Variants in ZCCHC7 observed in about 807,000 individuals in gnomAD.
The protein encoded by ZCCHC7 is zinc finger CCHC domain-containing protein 7.
Under a neutral mutation model 52.0 loss-of-function variants are expected in ZCCHC7, and 35 were observed. The observed-to-expected ratio is 0.67, with a 90% confidence interval of 0.51 to 0.89. The LOEUF (loss-of-function observed/expected upper bound fraction) is 0.89. Ranked by LOEUF, ZCCHC7 falls within the 40% of genes least tolerant of loss-of-function variation. ZCCHC7 has a pLI of 0.00. For missense variants in ZCCHC7, 574 were observed against 649.1 expected (o/e 0.88, Z 1.26); for synonymous variants, 217 against 221.5 (o/e 0.98, Z 0.18).
At chr9:37,287,297 C>T (rs1828299799) in intron 2 of ZCCHC7, among the ~76,000 whole-genome samples, 1 of 151,614 alleles carries the variant, frequency 6.6e-6, no homozygotes, top group Non-Finnish European at 1.5e-5. Context: ...TCAATTTCTT[C>T]AAAAATCAGG....
chr9:37,318,068 A>G (rs1218442501), intron 5 of ZCCHC7, among the ~76,000 whole-genome samples: 4 of 152,112 alleles, frequency 2.6e-5, no homozygotes, highest in Non-Finnish European at 5.9e-5. Context: ...TCAGTGATGT[A>G]TAGTTGCAAA....
At chr9:37,314,276 AC>A in intron 5 of ZCCHC7, among the ~76,000 whole-genome samples, 1 of 152,174 alleles carries the variant, frequency 6.6e-6, no homozygotes, top group African/African-American at 2.4e-5. Flanking sequence ...GGATAAATAA[AC>A]TTTAGTTTTT....
intron 2 of ZCCHC7, among the ~76,000 whole-genome samples, chr9:37,223,539 G>A (rs994508003): frequency 2.6e-5 from 4 of 152,110 alleles, no homozygotes; most frequent in African/African-American, 9.7e-5. Context: ...CTCCTTGGTG[G>A]TGATAAAAGT....
intron 6 of ZCCHC7, among the ~76,000 whole-genome samples, chr9:37,334,382 A>G (rs1156308933): frequency 1.3e-5 from 2 of 151,984 alleles, no homozygotes; most frequent in African/African-American, 2.4e-5. Context: ...TTAGGAATCA[A>G]TTAATTACTC....
intron 2 of ZCCHC7, among the ~76,000 whole-genome samples, chr9:37,256,140 C>A (rs1482667150): frequency 6.6e-6 from 1 of 152,104 alleles, no homozygotes; most frequent in East Asian, 1.9e-4. Context: ...GTAGAACCTG[C>A]CATTCAGATT....
chr9:37,128,529 A>G (rs577108418), intron 2 of ZCCHC7, among the ~76,000 whole-genome samples: 5 of 152,318 alleles, frequency 3.3e-5, no homozygotes, highest in African/African-American at 7.2e-5. Flanking sequence ...TTAGTATTCA[A>G]TTGAGAAAAT....
chr9:37,308,777 G>A (rs1364198640), intron 5 of ZCCHC7, among the ~76,000 whole-genome samples: 9 of 151,852 alleles, frequency 5.9e-5, no homozygotes, highest in African/African-American at 1.9e-4. Flanking sequence ...TCAAGAGATC[G>A]AGACCATCCT....
intron 2 of ZCCHC7, among the ~76,000 whole-genome samples, chr9:37,228,975 A>G (rs1345289417): frequency 2.6e-5 from 4 of 151,314 alleles, no homozygotes; most frequent in Non-Finnish European, 5.9e-5. Flanking sequence ...AGCTGGGACT[A>G]TAGGCGCCTG....
chr9:37,313,286 C>T (rs147873623), intron 5 of ZCCHC7, among the ~76,000 whole-genome samples: 27 of 151,188 alleles, frequency 1.8e-4, no homozygotes, highest in African/African-American at 6.7e-4. Context: ...AGAGATCAGA[C>T]TACTTCAAGA....
intron 5 of ZCCHC7, among the ~76,000 whole-genome samples, chr9:37,320,507 G>T (rs1830008022): frequency 6.6e-6 from 1 of 152,124 alleles, no homozygotes; most frequent in African/African-American, 2.4e-5. Context: ...TTGTGTTCCA[G>T]TCTATAGACT....
At chr9:37,226,482 A>G (rs1356355496) in intron 2 of ZCCHC7, among the ~76,000 whole-genome samples, 3 of 152,172 alleles carry the variant, frequency 2.0e-5, no homozygotes, top group East Asian at 1.9e-4. Context: ...CTAGAATACA[A>G]TGATTAAAAC....
chr9:37,237,475 T>C (rs1237060172), intron 2 of ZCCHC7, among the ~76,000 whole-genome samples: 1 of 152,186 alleles, frequency 6.6e-6, no homozygotes, highest in African/African-American at 2.4e-5. Flanking sequence ...CTTGACTGTA[T>C]CACTTAAAAA....
chr9:37,186,712 G>A, intron 2 of ZCCHC7: 1 of 580,618 alleles, frequency 1.7e-6, no homozygotes, highest in Middle Eastern at 2.6e-4. Context: ...TTCCTTGCAG[G>A]CCAAGAATAA....
At chr9:37,268,418 AT>A (rs1827218318) in intron 2 of ZCCHC7, among the ~76,000 whole-genome samples, 3 of 151,090 alleles carry the variant, frequency 2.0e-5, no homozygotes, top group Non-Finnish European at 1.5e-5. Flanking sequence ...AAAAAAAAAA[AT>A]AAGCAAAATT....
At chr9:37,127,867 C>G (rs1373027571) in intron 2 of ZCCHC7, among the ~76,000 whole-genome samples, 1 of 152,028 alleles carries the variant, frequency 6.6e-6, no homozygotes, top group Non-Finnish European at 1.5e-5. Flanking sequence ...TTTAGGATTC[C>G]AAGCCATGTG....
chr9:37,357,452 G>A lies in ZCCHC7; in HGVS notation c.*184G>A. ...GATCTCAATTCTCTGTGTCCAACAG[G>A]ATATTAGGTAAGAAAGTACAAAGAT... On this transcript the variant is annotated 3_prime_UTR_variant, in exon 9 of 9. Coordinates refer to ENST00000336755, the MANE Select transcript of ZCCHC7 (RefSeq NM_032226.3). The A allele has an allele frequency of 2.2e-6, 1 of 462,908 alleles. No homozygotes were observed. Among genetic ancestry groups the A allele is most frequent in the East Asian group, 3.4e-5 (1 of 29,578 alleles). The allele number at this position is 462,908 out of a possible 1,614,324, so 28.7% of individuals were successfully genotyped here. A position where few individuals can be genotyped will look rare whatever the true frequency, so the allele number is the denominator to read the frequency against.
At position 37,159,028 on chromosome 9, in the gene ZCCHC7, G is replaced by A. The variant is rs558171689; in HGVS notation, c.610+32086G>A. On this transcript the variant is annotated intron_variant, in intron 2 of 8. Coordinates refer to ENST00000336755, the MANE Select transcript of ZCCHC7 (RefSeq NM_032226.3). The stretch of plus-strand genomic sequence containing the variant: ...AAAAATACCAAGGTATTAAATCATT[G>A]GCTTGTCTGTTTGGGGCACAATCAG... 2.9e-4 allele frequency among the ~76,000 whole-genome samples: 43 copies of A among 148,488 alleles called. 1 individual carries two copies. The South Asian group carries it at 8.1e-3, about 28-fold the overall frequency.
intron 2 of ZCCHC7, among the ~76,000 whole-genome samples, chr9:37,199,722 T>C (rs1041942172): frequency 1.3e-5 from 2 of 148,598 alleles, no homozygotes; most frequent in African/African-American, 2.6e-5. Flanking sequence ...CTTTCTTTCT[T>C]TCTTTCTCCT....
At chr9:37,259,320 GTAAA>G (rs761617085) in intron 2 of ZCCHC7, among the ~76,000 whole-genome samples, 35 of 152,238 alleles carry the variant, frequency 2.3e-4, no homozygotes, top group African/African-American at 7.7e-4. Flanking sequence ...ATAAAAGATA[GTAAA>G]TAAATAATAC....
Sources: gnomAD v4.1 joint callset for allele counts (sites outside exome capture counted in the v4.1 genomes callset) on GRCh38, gnomAD v4.1.1 for gene constraint, MANE v1.5 for transcripts, NCBI Gene and HGNC (gene_info 2026-07-23, HGNC 2026-07-21) for gene names.